Variants in CHN1 observed in about 807,000 individuals in gnomAD.
The protein encoded by CHN1 is chimerin 1, also known as N-chimaerin.
In CHN1, 37 loss-of-function variants were observed where a neutral mutation model predicts 59.5. The ratio of observed to expected loss-of-function variants is 0.62; its 90% confidence interval spans 0.48 to 0.82. The LOEUF (loss-of-function observed/expected upper bound fraction) is 0.82. Among genes scored for constraint, CHN1 ranks in the 40% least tolerant of loss-of-function variants. CHN1 has a pLI of 0.00. For missense variants in CHN1, 469 were observed against 571.0 expected, an observed-to-expected ratio of 0.82 and a Z score of 1.82; for synonymous variants, 206 against 200.4, an observed-to-expected ratio of 1.03 and a Z score of -0.24.
intron 11 of CHN1, among the ~76,000 whole-genome samples, chr2:174,805,245 C>A (rs1047091317): frequency 5.9e-5 from 9 of 152,184 alleles, no homozygotes; most frequent in Non-Finnish European, 1.0e-4. Flanking sequence ...GGACTGGCTG[C>A]CTCTGGAAGC....
At chr2:174,923,047 G>A (rs1050308697) in intron 3 of CHN1, among the ~76,000 whole-genome samples, 14 of 152,080 alleles carry the variant, frequency 9.2e-5, no homozygotes, top group African/African-American at 3.4e-4. Context: ...AGGCATAAAA[G>A]GAACTTCAAT....
rs541793121 is a variant in CHN1 at position 174,814,237 on chromosome 2, C to A, written c.713-1755G>T. ...TGCTAATAGTGCCAAAAGTTATCAC[C>A]CCTAAGGAATGTCAGCTTGTGAATA... On this transcript the variant is annotated intron_variant, in intron 8 of 12. Transcript: ENST00000409900. Among the ~76,000 whole-genome samples the A allele has an allele frequency of 3.9e-4, 59 of 152,208 alleles. No homozygotes were observed. In the South Asian group the frequency reaches 0.012, roughly 30 times the overall value.
intron 1 of CHN1, among the ~76,000 whole-genome samples, chr2:174,992,440 T>C (rs897066141): frequency 6.6e-6 from 1 of 151,932 alleles, no homozygotes; most frequent in Non-Finnish European, 1.5e-5. Flanking sequence ...AACTGAAGCA[T>C]AGGAAAGGGA....
chr2:174,992,064 G>C (rs116340634), intron 1 of CHN1, among the ~76,000 whole-genome samples: 1,694 of 152,312 alleles, frequency 0.011, 25 homozygotes, highest in African/African-American at 0.038. Context: ...GACTCCTTCT[G>C]ATGGGTGACA....
In CHN1 at chr2:174,980,447, T is replaced by C. The variant is rs1434265935; in HGVS notation, c.19+24447A>G. Among the ~76,000 whole-genome samples the C allele has an allele frequency of 2.0e-5, 3 of 152,208 alleles. No individual in the cohort carries two copies. In the East Asian group the frequency reaches 5.8e-4, roughly 29 times the overall value. ...CAGAACATAAAAATACCCAGAGTCC[T>C]GTTTATACATGTGAAAATTTTTAGT... On this transcript the variant is annotated intron_variant, in intron 1 of 12. Coordinates refer to ENST00000409900, the MANE Select transcript of CHN1 (RefSeq NM_001822.7).
chr2:174,909,995 C>G (rs1688645219), intron 5 of CHN1, among the ~76,000 whole-genome samples: 1 of 152,176 alleles, frequency 6.6e-6, no homozygotes, highest in Non-Finnish European at 1.5e-5. Context: ...TTGTCTAATT[C>G]TAAAGTCTAT....
At chr2:174,966,899 C>G (rs1343055457) in intron 1 of CHN1, among the ~76,000 whole-genome samples, 1 of 152,126 alleles carries the variant, frequency 6.6e-6, no homozygotes, top group Admixed American at 6.5e-5. Context: ...TCAGCATTCC[C>G]AACTGGTTCC....
chr2:174,941,096 C>G (rs1689646225), intron 3 of CHN1, among the ~76,000 whole-genome samples: 1 of 152,024 alleles, frequency 6.6e-6, no homozygotes, highest in African/African-American at 2.4e-5. Flanking sequence ...CCATACCTAC[C>G]ATTATTCTTT....
intron 7 of CHN1, among the ~76,000 whole-genome samples, chr2:174,828,643 AATG>A (rs1456506383): frequency 2.0e-5 from 3 of 152,232 alleles, no homozygotes; most frequent in Admixed American, 1.3e-4. Flanking sequence ...CTGTTTTAAA[AATG>A]ATGAAATCTG....
intron 5 of CHN1, among the ~76,000 whole-genome samples, chr2:174,907,652 G>T (rs1574151547): frequency 7.4e-6 from 1 of 134,916 alleles, no homozygotes. Context: ...TGATACATGT[G>T]CACTGTAAAA....
intron 3 of CHN1, among the ~76,000 whole-genome samples, chr2:174,934,475 TCA>T (rs1238692465): frequency 6.6e-6 from 1 of 152,144 alleles, no homozygotes; most frequent in East Asian, 1.9e-4. Context: ...TGCCTGCTGC[TCA>T]CCTCCTGCTG....
intron 7 of CHN1, among the ~76,000 whole-genome samples, chr2:174,843,043 A>G (rs1267453748): frequency 1.3e-5 from 2 of 152,124 alleles, no homozygotes; most frequent in Non-Finnish European, 2.9e-5. Flanking sequence ...TTAATTACTT[A>G]ATTTGCCTAA....
At chr2:174,984,817 T>C (rs952953729) in intron 1 of CHN1, among the ~76,000 whole-genome samples, 1 of 152,188 alleles carries the variant, frequency 6.6e-6, no homozygotes, top group Admixed American at 6.5e-5. Context: ...CAGAACATAT[T>C]CATTATGCAA....
chr2:174,970,235 T>A (rs965003655), intron 1 of CHN1, among the ~76,000 whole-genome samples: 16 of 152,212 alleles, frequency 1.1e-4, no homozygotes, highest in African/African-American at 3.6e-4. Context: ...ATGATGGTTG[T>A]CTTGAAGAAA....
At chr2:174,994,555 T>C (rs1559014906) in intron 1 of CHN1, among the ~76,000 whole-genome samples, 8 of 152,290 alleles carry the variant, frequency 5.3e-5, no homozygotes, top group Non-Finnish European at 1.5e-5. Context: ...CACGAGACTA[T>C]AAACTATTAC....
chr2:174,920,030 A>G (rs190421032), intron 3 of CHN1, among the ~76,000 whole-genome samples: 2 of 152,318 alleles, frequency 1.3e-5, no homozygotes, highest in Admixed American at 6.5e-5. Context: ...TCCACAAGTG[A>G]GATCATGCAG....
intron 5 of CHN1, among the ~76,000 whole-genome samples, chr2:174,888,216 C>T (rs1171279127): frequency 6.6e-6 from 1 of 152,228 alleles, no homozygotes; most frequent in East Asian, 1.9e-4. Flanking sequence ...AAAAACCTGG[C>T]AGCAAACAGT....
chr2:174,943,046 T>C (rs557211098), intron 3 of CHN1, among the ~76,000 whole-genome samples: 80 of 150,964 alleles, frequency 5.3e-4, no homozygotes, highest in African/African-American at 1.8e-3. Flanking sequence ...CAAGACTCTA[T>C]CTAAAAAAAA....
At chr2:174,997,062 A>T (rs1212559671) in intron 1 of CHN1, among the ~76,000 whole-genome samples, 1 of 152,134 alleles carries the variant, frequency 6.6e-6, no homozygotes, top group Non-Finnish European at 1.5e-5. Context: ...GTCTCCCTCC[A>T]CTGCAAATAT....
Sources: allele counts gnomAD v4.1 joint callset (sites outside exome capture counted in the v4.1 genomes callset), GRCh38; gene constraint gnomAD v4.1.1; transcripts MANE v1.5; gene names NCBI Gene and HGNC (gene_info 2026-07-23, HGNC 2026-07-21).